NRXN3: variants seen among roughly 807,000 people sequenced by gnomAD.
NRXN3 encodes the protein neurexin III.
Under a neutral mutation model 137.6 loss-of-function variants are expected in NRXN3, and 32 were observed. That is an observed-to-expected ratio of 0.23 (90% CI 0.18 to 0.31). The LOEUF (loss-of-function observed/expected upper bound fraction) is 0.31, where lower values mean the gene tolerates loss of function less well. Ranked by LOEUF, NRXN3 falls within the 10% of genes least tolerant of loss-of-function variation. The pLI, the probability that NRXN3 is intolerant of heterozygous loss-of-function variation, is 1.00. For missense variants in NRXN3, 1,574 were observed against 2,062.5 expected, an observed-to-expected ratio of 0.76 and a Z score of 4.59; for synonymous variants, 798 against 784.5, an observed-to-expected ratio of 1.02 and a Z score of -0.29.
intron 15 of NRXN3, among the ~76,000 whole-genome samples, chr14:79,005,662 A>T (rs764181981): frequency 1.3e-5 from 2 of 152,188 alleles, no homozygotes; most frequent in Non-Finnish European, 2.9e-5. Flanking sequence ...AACGTGCCCT[A>T]AACTTTATTG....
At chr14:79,261,754 C>T (rs1471770575) in intron 15 of NRXN3, among the ~76,000 whole-genome samples, 1 of 152,004 alleles carries the variant, frequency 6.6e-6, no homozygotes, top group Non-Finnish European at 1.5e-5. Context: ...CACATATTAT[C>T]TTGGCCTCTA....
intron 4 of NRXN3, among the ~76,000 whole-genome samples, chr14:78,610,207 A>G (rs1278377006): frequency 6.6e-6 from 1 of 152,236 alleles, no homozygotes; most frequent in African/African-American, 2.4e-5. Flanking sequence ...CCATGCAACT[A>G]GCACGTGGAA....
chr14:78,778,683 TTTCTTTC>T lies in NRXN3; in HGVS notation c.2045-24934_2045-24928del, dbSNP rs749301189. ...TCCTTTTCTTTTCTCTTTTCTTTTC[TTTCTTTC>T]TTTCTTTCTTTCTTTCTTTCTTTCT... On this transcript the variant is annotated intron_variant, in intron 8 of 20. Coordinates refer to ENST00000335750, the MANE Select transcript of NRXN3 (RefSeq NM_001330195.2). Among the ~76,000 whole-genome samples the T allele has an allele frequency of 1.7e-3, 117 of 70,160 alleles. 1 individual carries two copies. The highest frequency in any genetic ancestry group is 7.5e-3 in the Middle Eastern group (1 of 134). 46.0% of individuals were successfully genotyped at this position (70,160 alleles called of 152,430 possible). A position where few individuals can be genotyped will look rare whatever the true frequency, so the allele number is the denominator to read the frequency against.
At chr14:79,849,774 T>G (rs184381237) in intron 20 of NRXN3, among the ~76,000 whole-genome samples, 4 of 152,272 alleles carry the variant, frequency 2.6e-5, no homozygotes, top group Admixed American at 6.5e-5. Flanking sequence ...GGAAAGGAAA[T>G]TACCATCTTG....
intron 17 of NRXN3, among the ~76,000 whole-genome samples, chr14:79,690,374 A>G (rs568790465): frequency 6.6e-6 from 1 of 152,280 alleles, no homozygotes; most frequent in Non-Finnish European, 1.5e-5. Context: ...ACACCAAGAA[A>G]TTAACTTGCC....
intron 17 of NRXN3, among the ~76,000 whole-genome samples, chr14:79,664,472 A>G (rs1226149341): frequency 5.3e-5 from 8 of 152,120 alleles, no homozygotes; most frequent in African/African-American, 1.9e-4. Flanking sequence ...GGACTTTGCT[A>G]GTTTTTATTT....
chr14:79,588,783 T>G (rs2153818653), intron 16 of NRXN3, among the ~76,000 whole-genome samples: 1 of 152,364 alleles, frequency 6.6e-6, no homozygotes, highest in East Asian at 1.9e-4. Context: ...TCATGTCTGT[T>G]TTTTAATTTT....
At chr14:78,319,406 G>A (rs1274099849) in intron 4 of NRXN3, among the ~76,000 whole-genome samples, 2 of 152,154 alleles carry the variant, frequency 1.3e-5, no homozygotes, top group Non-Finnish European at 2.9e-5. Flanking sequence ...CTATAATTCT[G>A]TGTCTACCAG....
At chr14:78,389,070 T>C (rs1598118787) in intron 4 of NRXN3, among the ~76,000 whole-genome samples, 1 of 139,968 alleles carries the variant, frequency 7.1e-6, no homozygotes, top group East Asian at 2.1e-4. Flanking sequence ...TTTTTTTTTT[T>C]TGTTTGAGAC....
chr14:78,721,594 A>C (rs368517848), intron 8 of NRXN3, among the ~76,000 whole-genome samples: 2 of 152,156 alleles, frequency 1.3e-5, no homozygotes, highest in Non-Finnish European at 2.9e-5. Flanking sequence ...CACTGCAATC[A>C]AATTTTCATC....
intron 4 of NRXN3, among the ~76,000 whole-genome samples, chr14:78,535,949 CT>C (rs372681987): frequency 4.6e-5 from 7 of 151,392 alleles, no homozygotes; most frequent in Middle Eastern, 3.4e-3. Flanking sequence ...TCCCAAGAGA[CT>C]TTTTTTTTAA....
chr14:79,082,954 G>A (rs1477282866), intron 15 of NRXN3, among the ~76,000 whole-genome samples: 2 of 152,166 alleles, frequency 1.3e-5, no homozygotes, highest in African/African-American at 2.4e-5. Flanking sequence ...AGGGGGACAG[G>A]ATTGCTACAC....
chr14:79,175,880 G>A (rs2062281866), intron 15 of NRXN3, among the ~76,000 whole-genome samples: 1 of 152,104 alleles, frequency 6.6e-6, no homozygotes, highest in South Asian at 2.1e-4. Flanking sequence ...TGTTGTAGTC[G>A]TGAAACTGAA....
chr14:78,211,924 C>T (rs2062791686), intron 1 of NRXN3, among the ~76,000 whole-genome samples: 2 of 152,184 alleles, frequency 1.3e-5, no homozygotes, highest in South Asian at 2.1e-4. Context: ...TTCCTCCCTA[C>T]AGTGAAAGCA....
chr14:79,485,104 C>G (rs925002139), intron 16 of NRXN3, among the ~76,000 whole-genome samples: 3 of 151,282 alleles, frequency 2.0e-5, no homozygotes, highest in African/African-American at 7.3e-5. Context: ...TTTGGTTGTT[C>G]TCTAATTAGG....
intron 16 of NRXN3, among the ~76,000 whole-genome samples, chr14:79,529,564 C>T (rs1601693495): frequency 1.3e-5 from 2 of 152,210 alleles, no homozygotes; most frequent in Non-Finnish European, 2.9e-5. Context: ...ATGTACTTAA[C>T]TGAGTATTAA....
intron 8 of NRXN3, among the ~76,000 whole-genome samples, chr14:78,718,835 AGC>A (rs1234054478): frequency 6.6e-6 from 1 of 152,256 alleles, no homozygotes; most frequent in African/African-American, 2.4e-5. Context: ...TGACCTAAAC[AGC>A]AAAGGCCTGT....
intron 4 of NRXN3, among the ~76,000 whole-genome samples, chr14:78,329,127 G>C (rs2080471915): frequency 6.6e-6 from 1 of 152,146 alleles, no homozygotes. Context: ...GTTAAAATGA[G>C]AGAGCTTCTG....
At chr14:79,074,499 T>G (rs2045648949) in intron 15 of NRXN3, 1 of 152,206 alleles carries the variant, frequency 6.6e-6, no homozygotes, top group South Asian at 2.1e-4. Flanking sequence ...TGTTTGTTCT[T>G]GAGAATACAG....
Sources: gnomAD v4.1 joint callset for allele counts (sites outside exome capture counted in the v4.1 genomes callset) on GRCh38, gnomAD v4.1.1 for gene constraint, MANE v1.5 for transcripts, NCBI Gene and HGNC (gene_info 2026-07-23, HGNC 2026-07-21) for gene names.